The following CC2D2A variants were observed in gnomAD, a reference collection of about 807,000 sequenced individuals.
CC2D2A encodes coiled-coil and C2 domain-containing protein 2A.
Under a neutral mutation model 212.9 loss-of-function variants are expected in CC2D2A, and 155 were observed. That is an observed-to-expected ratio of 0.73 (90% CI 0.64 to 0.83). The LOEUF (loss-of-function observed/expected upper bound fraction) is 0.83, where lower values mean the gene tolerates loss of function less well. Among genes scored for constraint, CC2D2A ranks in the 40% least tolerant of loss-of-function variants. CC2D2A has a pLI of 0.00. For synonymous variants in CC2D2A, 667 were observed against 686.5 expected, an observed-to-expected ratio of 0.97 and a Z score of 0.44; for missense variants, 1,856 against 1,956.2, an observed-to-expected ratio of 0.95 and a Z score of 0.97.
At chr4:15,590,775 C>T (rs1042336344) in intron 33 of CC2D2A, among the ~76,000 whole-genome samples, 5 of 152,266 alleles carry the variant, frequency 3.3e-5, no homozygotes, top group East Asian at 3.9e-4. Context: ...TTCGCTCTGT[C>T]GCCTAGGCTG....
At chr4:15,583,759 C>T (rs1720746831) in intron 30 of CC2D2A, among the ~76,000 whole-genome samples, 1 of 151,986 alleles carries the variant, frequency 6.6e-6, no homozygotes, top group South Asian at 2.1e-4. Context: ...ACCATCCTGG[C>T]TAATATGGTG....
Position 15,557,313 on chromosome 4 carries a change from A to G in CC2D2A, c.2635A>G (p.Ser879Gly). The part of the protein sequence containing the change: ...PLMQLISVAT[S>G]GESYVPDFFR... ...TTTCCGTTTTTTATAGGTTGCTACC[A>G]GTGGTGAATCCTATGTCCCTGATTT... is the stretch of plus-strand genomic sequence containing the variant. The change falls in exon 21 of 37, where the codon AGT becomes GGT. Residue 879 changes from serine (S) to glycine (G), a missense_variant. Ser to Gly is a moderately conservative substitution (Grantham distance 56, BLOSUM62 0). This residue lies in a region of CC2D2A where 1,512 missense variants were observed against 1,579.3 expected (regional missense o/e 0.96). Coordinates refer to ENST00000424120, the MANE Select transcript of CC2D2A (RefSeq NM_001378615.1). 2 of 1,609,234 alleles carry G rather than the reference A, an allele frequency of 1.2e-6. No individual in the cohort carries two copies. Among genetic ancestry groups the G allele is most frequent in the Non-Finnish European group, 1.7e-6 (2 of 1,177,570 alleles).
chr4:15,491,682 G>A (rs150430390), intron 4 of CC2D2A, among the ~76,000 whole-genome samples: 7 of 152,292 alleles, frequency 4.6e-5, no homozygotes, highest in African/African-American at 1.7e-4. Context: ...TGGGATTGCA[G>A]GCATGAGCCA....
chr4:15,550,962 C>G lies in CC2D2A; in HGVS notation c.2320C>G (p.His774Asp). The G allele has an allele frequency of 6.3e-7, 1 of 1,596,250 alleles. No homozygotes were observed. The highest frequency in any genetic ancestry group is 8.6e-7 in the Non-Finnish European group (1 of 1,166,322). The part of the protein sequence containing the change: ...FSSNQHVTLD[H>D]EGVGSGVPFS... ...CAGTAATCAGCATGTGACACTGGAC[C>G]ACGAGGGAGTTGGAAGTGGTATGGA... Residue 774 changes from histidine (H) to aspartate (D), a missense_variant, in exon 18 of 37, where the codon CAC becomes GAC. Coordinates refer to ENST00000424120, the MANE Select transcript of CC2D2A (RefSeq NM_001378615.1).
chr4:15,506,141 A>G (rs1201563352), intron 6 of CC2D2A, among the ~76,000 whole-genome samples: 1 of 152,204 alleles, frequency 6.6e-6, no homozygotes, highest in African/African-American at 2.4e-5. Flanking sequence ...AATTGAATGT[A>G]ATTATTACTT....
At chr4:15,572,683 G>T (rs1395779531) in intron 28 of CC2D2A, among the ~76,000 whole-genome samples, 1 of 151,684 alleles carries the variant, frequency 6.6e-6, no homozygotes, top group Admixed American at 6.6e-5. Flanking sequence ...AGGACTAATA[G>T]GATAGATATA....
intron 17 of CC2D2A, among the ~76,000 whole-genome samples, chr4:15,542,239 T>C (rs1300284598): frequency 6.6e-6 from 1 of 152,224 alleles, no homozygotes; most frequent in Non-Finnish European, 1.5e-5. Flanking sequence ...TGGAGGATGC[T>C]ATTTAACCCA....
chr4:15,532,338 A>C (rs1717888124), intron 13 of CC2D2A, among the ~76,000 whole-genome samples: 1 of 152,178 alleles, frequency 6.6e-6, no homozygotes, highest in Non-Finnish European at 1.5e-5. Context: ...TGTACCACTA[A>C]GTCATCACAC....
chr4:15,542,167 T>C (rs146243070), intron 17 of CC2D2A, among the ~76,000 whole-genome samples: 3 of 152,324 alleles, frequency 2.0e-5, no homozygotes, highest in Non-Finnish European at 4.4e-5. Context: ...ACTAATGATA[T>C]CTGCAAAGAC....
At chr4:15,490,141 G>A (rs1338810052) in intron 4 of CC2D2A, among the ~76,000 whole-genome samples, 1 of 152,096 alleles carries the variant, frequency 6.6e-6, no homozygotes, top group African/African-American at 2.4e-5. Flanking sequence ...TTTTTAGTAG[G>A]CATATTGAAA....
intron 23 of CC2D2A, among the ~76,000 whole-genome samples, chr4:15,562,926 C>G (rs990031854): frequency 6.6e-6 from 1 of 152,218 alleles, no homozygotes; most frequent in Non-Finnish European, 1.5e-5. Context: ...GCTGGAGTAG[C>G]TGAGTCTCTG....
chr4:15,538,185 GTTCACGTGGGCACAT>G, intron 16 of CC2D2A, 48 bp downstream of exon 16: 1 of 1,478,164 alleles, frequency 6.8e-7, no homozygotes, highest in Non-Finnish European at 9.0e-7. Context: ...TGATACACAT[GTTCACGTGGGCACAT>G]GCACACACAC....
rs954944153 is a variant in CC2D2A at position 15,470,653 on chromosome 4, C to T, written c.-19+596C>T. Among the ~76,000 whole-genome samples, 12 of 90,418 alleles carry T rather than the reference C, an allele frequency of 1.3e-4. 1 individual carries two copies. The East Asian group carries it at 2.1e-3, about 16-fold the overall frequency. 59.3% of individuals were successfully genotyped at this position (90,418 alleles called of 152,430 possible). ...TAAATTCAGCACCAGCATGAAATCT[C>T]TCTCTCTCTCTCTCTCTCTCTCTCT... On this transcript the variant is annotated intron_variant, in intron 1 of 36. Coordinates refer to ENST00000424120, the MANE Select transcript of CC2D2A (RefSeq NM_001378615.1).
intron 4 of CC2D2A, among the ~76,000 whole-genome samples, chr4:15,499,134 CAGA>C (rs1210383484): frequency 1.3e-5 from 2 of 152,120 alleles, no homozygotes; most frequent in Non-Finnish European, 2.9e-5. Flanking sequence ...GGGTGGAGCA[CAGA>C]AGGTTTGAAG....
intron 24 of CC2D2A, among the ~76,000 whole-genome samples, chr4:15,564,626 C>T (rs1217494408): frequency 6.6e-6 from 1 of 152,050 alleles, no homozygotes; most frequent in Non-Finnish European, 1.5e-5. Flanking sequence ...TCCCTAGGTT[C>T]TTCCCCTTTA....
chr4:15,524,447 A>ATTTTTTTTTTTTT (rs71179636), intron 11 of CC2D2A, among the ~76,000 whole-genome samples: 2 of 89,984 alleles, frequency 2.2e-5, no homozygotes, highest in South Asian at 3.6e-4. Context: ...AAAATTTTTA[A>ATTTTTTTTTTTTT]TTTTTTTTTT....
chr4:15,544,586 A>T (rs566082772), intron 17 of CC2D2A, among the ~76,000 whole-genome samples: 1 of 152,172 alleles, frequency 6.6e-6, no homozygotes, highest in Non-Finnish European at 1.5e-5. Context: ...GTGCCCAGCC[A>T]TGCCTCCACT....
Position 15,597,391 on chromosome 4 carries a change from A to G in CC2D2A, c.4438-16A>G. On this transcript the variant is annotated splice_polypyrimidine_tract_variant and intron_variant, in intron 34 of 36. Transcript: ENST00000424120. ...AGGTGATTTTTATACTTTCTGAACT[A>G]TTTTCTCTTCTATAGCCTGAAGAGC... 14 of 1,540,834 alleles carry G rather than the reference A, an allele frequency of 9.1e-6. No individual in the cohort carries two copies. Among genetic ancestry groups the G allele is most frequent in the Non-Finnish European group, 1.2e-5 (14 of 1,140,138 alleles).
rs377558745 is a variant in CC2D2A at position 15,528,662 on chromosome 4, G to A, written c.1402G>A (p.Glu468Lys). 1.2e-6 allele frequency: 2 copies of A among 1,613,806 alleles called. No individual in the cohort carries two copies. Residue 468 changes from glutamate to lysine, a missense_variant, in exon 13 of 37, where the codon GAA becomes AAA. Transcript: ENST00000424120. The part of the protein sequence containing the change: ...RNAVQTGLDP[E>K]KPHQSLDTIQ... ...TGCTGTTCAGACTGGCCTTGATCCA[G>A]AAAAACCTCATCAGTCTCTCGATAC... is the stretch of plus-strand genomic sequence containing the variant.
Sources: gnomAD v4.1 joint callset for allele counts (sites outside exome capture counted in the v4.1 genomes callset) on GRCh38, gnomAD v4.1.1 for gene constraint, gnomAD v4.1.1 regional missense constraint, MANE v1.5 for transcripts, NCBI Gene and HGNC (gene_info 2026-07-23, HGNC 2026-07-21) for gene names.